Variants in ABCA6 observed in about 807,000 individuals in gnomAD.
The protein encoded by ABCA6 is ATP binding cassette subfamily A member 6.
Under a neutral mutation model 191.2 loss-of-function variants are expected in ABCA6, and 164 were observed. The observed-to-expected ratio is 0.86, with a 90% CI of 0.76 to 0.98. The LOEUF is 0.98. Among genes scored for constraint, ABCA6 ranks in the 50% least tolerant of loss-of-function variants. The pLI, the probability that ABCA6 is intolerant of heterozygous loss-of-function variation, is 0.00. For synonymous variants in ABCA6, 636 were observed against 647.7 expected (o/e 0.98, Z 0.27); for missense variants, 1,958 against 1,894.1 (o/e 1.03, Z -0.63).
chr17:69,109,397 A>G (rs1250936479), intron 17 of ABCA6: 1 of 152,164 alleles, frequency 6.6e-6, no homozygotes, highest in East Asian at 1.9e-4. Context: ...AATCTTTAGG[A>G]TTTCTTATCA....
chr17:69,139,239 C>G lies in ABCA6; in HGVS notation c.96+1369G>C, dbSNP rs568311630. On this transcript the variant is annotated intron_variant, in intron 2 of 38. Transcript: ENST00000284425. ...ATCCAGAATCTACAATGAACTCAAA[C>G]AAATTTACAAGAAAAAAACAAACAG... Among the ~76,000 whole-genome samples the G allele has an allele frequency of 1.5e-4, 23 of 152,098 alleles. No homozygotes were observed. The East Asian group carries it at 4.4e-3, about 29-fold the overall frequency.
Position 69,133,837 on chromosome 17 carries a change from A to C in ABCA6, c.595T>G (p.Leu199Val). The C allele has an allele frequency of 6.2e-7, 1 of 1,608,826 alleles. No individual in the cohort carries two copies. Among genetic ancestry groups the C allele is most frequent in the South Asian group, 1.1e-5 (1 of 89,878 alleles). Residue 199 changes from leucine (L) to valine (V), a missense_variant, in exon 6 of 39, where the codon TTG becomes GTG. Leu to Val is a conservative substitution (Grantham distance 32). Transcript: ENST00000284425. The stretch of plus-strand genomic sequence containing the variant: ...ATAGTTATAGCAGTAACTGACATCA[A>C]CTCCTCCATCACAGGGTGATTGGTT... ...ITTNHPVMEELMSVTAITMKT... is the reference protein window; with the variant it reads ...ITTNHPVMEEVMSVTAITMKT...
intron 3 of ABCA6, 146 bp from the exon 4 acceptor site, chr17:69,136,396 A>AG (rs933306882): frequency 4.7e-6 from 3 of 640,128 alleles, no homozygotes; most frequent in Admixed American, 3.8e-5. Context: ...CCCAAATGCA[A>AG]GGGGGGAAAT....
chr17:69,123,295 G>T lies in ABCA6; in HGVS notation c.1380C>A (p.Pro460=), dbSNP rs778707189. ...CTACTGGTTCAAAATAATCATCAGA[G>T]GGATGCTCAGCATCGATTTCTTTCT... ...VIEKEIDAEH[P]SDDYFEPVAP... is the part of the protein sequence containing the mutation. Residue 460 remains proline, a synonymous_variant, in exon 10 of 39, where the codon CCC becomes CCA. Coordinates refer to ENST00000284425, the MANE Select transcript of ABCA6 (RefSeq NM_080284.3). 4 of 1,561,882 alleles carry T rather than the reference G, an allele frequency of 2.6e-6. No individual in the cohort carries two copies. The highest frequency in any genetic ancestry group is 8.7e-7 in the Non-Finnish European group (1 of 1,148,042).
rs772267385 is a variant in ABCA6 at position 69,140,664 on chromosome 17, C to A, written c.40G>T (p.Ala14Ser). Reference protein sequence around the residue: ...KQKSVYQQTKALLCKNFLKKW... With the variant: ...KQKSVYQQTKSLLCKNFLKKW... The stretch of plus-strand genomic sequence containing the variant: ...TTAAGAAAATTCTTGCACAGAAGTG[C>A]TTTGGTTTGCTGATACACGCTTTTC... Residue 14 changes from alanine (A) to serine (S), a missense_variant, in exon 2 of 39, where the codon GCA (alanine) becomes TCA (serine). By Grantham distance (99) the Ala-to-Ser change is moderately conservative. Coordinates refer to ENST00000284425, the MANE Select transcript of ABCA6 (RefSeq NM_080284.3). 1.9e-6 allele frequency: 3 copies of A among 1,600,510 alleles called. No individual in the cohort carries two copies. The highest frequency in any genetic ancestry group is 2.7e-5 in the African/African-American group (2 of 74,182).
intron 8 of ABCA6, 25 bp from the exon 9 acceptor site, chr17:69,125,060 A>C (rs1239935076): frequency 1.7e-6 from 2 of 1,178,484 alleles, no homozygotes; most frequent in Non-Finnish European, 2.3e-6. Context: ...ATAAAAATAA[A>C]TGTTTAAAAT....
At chr17:69,097,142 C>T (rs1451369794) in intron 23 of ABCA6, among the ~76,000 whole-genome samples, 2 of 152,152 alleles carry the variant, frequency 1.3e-5, no homozygotes, top group African/African-American at 4.8e-5. Context: ...CCTGTAATCC[C>T]AGCACTTTGG....
chr17:69,097,263 A>C (rs1397769758), intron 23 of ABCA6, among the ~76,000 whole-genome samples: 2 of 152,096 alleles, frequency 1.3e-5, no homozygotes, highest in Non-Finnish European at 2.9e-5. Context: ...TGGTGGTGCA[A>C]GCCTGTAATC....
rs1461298517 is a variant in ABCA6 at position 69,124,795 on chromosome 17, TA to T, written c.1267+92del. 4 of 668,102 alleles carry T rather than the reference TA, an allele frequency of 6.0e-6. No homozygotes were observed. In the East Asian group the frequency reaches 1.4e-4, roughly 23 times the overall value. 41.4% of individuals were successfully genotyped at this position (668,102 alleles called of 1,614,324 possible). ...TTATTAGTTTGAAATGGGAAATATTTAATATTCATTTTAAAAGTCTATATAA... is the reference window on the plus strand; with the variant it reads ...TTATTAGTTTGAAATGGGAAATATTTATATTCATTTTAAAAGTCTATATAA... On this transcript the variant is annotated intron_variant, in intron 9 of 38. Coordinates refer to ENST00000284425, the MANE Select transcript of ABCA6 (RefSeq NM_080284.3).
rs1567995101 is a variant in ABCA6, at chr17:69,084,480, C to G, written c.4212G>C (p.Glu1404Asp). ...ARLVSAFKLH[E>D]QLNVPVQKLT... is the part of the protein sequence containing the mutation. ...ATTTCTGCACAGGAACATTCAGCTG[C>G]TCATGCAGTTTGAAAGCACTCACTA... Residue 1404 changes from glutamate to aspartate, a missense_variant, in exon 33 of 39, where the codon GAG (glutamate) becomes GAC (aspartate). Glu to Asp is a conservative substitution (Grantham distance 45, BLOSUM62 2). Transcript: ENST00000284425. 2 of 1,614,138 alleles carry G rather than the reference C, an allele frequency of 1.2e-6. No homozygotes were observed. The highest frequency in any genetic ancestry group is 1.7e-6 in the Non-Finnish European group (2 of 1,180,018).
chr17:69,118,724 T>C (rs1054877043), intron 10 of ABCA6, among the ~76,000 whole-genome samples: 7 of 152,088 alleles, frequency 4.6e-5, no homozygotes, highest in African/African-American at 1.7e-4. Context: ...CCTAATAAAG[T>C]CCTCTTCCTT....
At chr17:69,106,711 TTTTC>T (rs1220921117) in intron 18 of ABCA6, among the ~76,000 whole-genome samples, 1 of 152,160 alleles carries the variant, frequency 6.6e-6, no homozygotes, top group Non-Finnish European at 1.5e-5. Context: ...GCCATCTATA[TTTTC>T]TTTCTATAGT....
intron 31 of ABCA6, 106 bp downstream of exon 31, chr17:69,085,519 C>CAAAAAAAAAAAAAAAAAAAAAAGAA (rs35438104): frequency 2.3e-6 from 1 of 438,130 alleles, no homozygotes; most frequent in Non-Finnish European, 3.5e-6. Flanking sequence ...TATCCAAAGG[C>CAAAAAAAAAAAAAAAAAAAAAAGAA]AAAAAAAAAA....
Position 69,085,638 on chromosome 17 carries a change from G to A in ABCA6, c.4016C>T (p.Pro1339Leu). Residue 1339 changes from proline to leucine, a missense_variant, in exon 31 of 39, where the codon CCA (proline) becomes CTA (leucine). Coordinates refer to ENST00000284425, the MANE Select transcript of ABCA6 (RefSeq NM_080284.3). ...SIRMISGITK[P>L]TAGEVELKGC... is the part of the protein sequence containing the mutation. Reference sequence around the variant, plus strand: ...TTTCCTCACTACCTCTCCAGCAGTTGGCTTTGTGATCCCAGATATCATTCT... The same window carrying A: ...TTTCCTCACTACCTCTCCAGCAGTTAGCTTTGTGATCCCAGATATCATTCT... 6.2e-7 allele frequency: 1 copy of A among 1,610,868 alleles called. No individual in the cohort carries two copies. Among genetic ancestry groups the A allele is most frequent in the South Asian group, 1.1e-5 (1 of 90,630 alleles).
Position 69,084,344 on chromosome 17 carries a change from C to A in ABCA6, c.4272G>T (p.Val1424=), listed in dbSNP as rs1225135873. The change falls in exon 34 of 39, where the codon GTG becomes GTT. Residue 1424 remains valine (V), a synonymous_variant. Transcript: ENST00000284425. The part of the protein sequence containing the change: ...TAGITRKLCF[V]LSLLGNSPVL... ...CAGGTGAGTTTCCCAGGAGGCTCAG[C>A]ACAAAACACAACTGCAATGTAGAAA... 2 of 1,614,038 alleles carry A rather than the reference C, an allele frequency of 1.2e-6. No homozygotes were observed. Among genetic ancestry groups the A allele is most frequent in the Admixed American group, 1.7e-5 (1 of 60,000 alleles).
chr17:69,117,790 T>G, intron 11 of ABCA6, 108 bp downstream of exon 11: 1 of 749,630 alleles, frequency 1.3e-6, no homozygotes, highest in Non-Finnish European at 2.2e-6. Flanking sequence ...TTATATTCTT[T>G]TTTCTTTTGC....
intron 6 of ABCA6, among the ~76,000 whole-genome samples, 168 bp from the exon 7 acceptor site, chr17:69,129,919 G>A (rs112880065): frequency 3.3e-5 from 5 of 151,894 alleles, no homozygotes; most frequent in Admixed American, 3.3e-4. Flanking sequence ...TTTTTCAATC[G>A]CAATTCTCCT....
chr17:69,136,919 C>A (rs570875587), intron 3 of ABCA6, among the ~76,000 whole-genome samples: 3 of 152,182 alleles, frequency 2.0e-5, no homozygotes, highest in Admixed American at 2.0e-4. Flanking sequence ...ATAACCATGA[C>A]CTATTTTATT....
intron 34 of ABCA6, among the ~76,000 whole-genome samples, chr17:69,083,622 G>A (rs1258815131): frequency 1.3e-4 from 20 of 152,180 alleles, no homozygotes; most frequent in Admixed American, 1.3e-3. Context: ...AAGGAAGTGG[G>A]TGGAGATATA....
Sources: gnomAD v4.1 joint callset for allele counts (sites outside exome capture counted in the v4.1 genomes callset) on GRCh38, gnomAD v4.1.1 for gene constraint, MANE v1.5 for transcripts, NCBI Gene and HGNC (gene_info 2026-07-23, HGNC 2026-07-21) for gene names.